The following CPNE8 variants were observed in gnomAD, a reference collection of about 807,000 sequenced individuals.
The protein encoded by CPNE8 is copine 8, also known as copine-8.
A neutral mutation model predicts 81.5 loss-of-function variants in CPNE8; 45 were observed. The observed-to-expected ratio is 0.55, with a 90% CI of 0.44 to 0.71. The LOEUF is 0.71. Ranked by LOEUF, CPNE8 falls within the 30% of genes least tolerant of loss-of-function variation. The pLI is 0.00. For synonymous variants in CPNE8, 252 were observed against 226.3 expected (o/e 1.11, Z -1.02); for missense variants, 594 against 672.1 (o/e 0.88, Z 1.28).
chr12:38,687,033 G>A (rs1318024913), intron 15 of CPNE8, among the ~76,000 whole-genome samples: 1 of 152,190 alleles, frequency 6.6e-6, no homozygotes, highest in Non-Finnish European at 1.5e-5. Flanking sequence ...TTATGCACTA[G>A]TGATACTAAC....
At chr12:38,857,147 T>G (rs1943754239) in intron 3 of CPNE8, among the ~76,000 whole-genome samples, 1 of 152,184 alleles carries the variant, frequency 6.6e-6, no homozygotes. Context: ...CTGATTCATA[T>G]AGCAAAACCC....
chr12:38,700,271 C>T (rs1360341724), intron 14 of CPNE8, among the ~76,000 whole-genome samples: 1 of 127,674 alleles, frequency 7.8e-6, no homozygotes, highest in Non-Finnish European at 1.6e-5. Context: ...TGGAGTCTTG[C>T]TCTGTCACCC....
chr12:38,780,904 AAAAG>A (rs1185006126), intron 6 of CPNE8, among the ~76,000 whole-genome samples: 3 of 151,992 alleles, frequency 2.0e-5, no homozygotes, highest in Non-Finnish European at 2.9e-5. Context: ...CTAAGATGAA[AAAAG>A]AAAGAAGGAG....
chr12:38,749,565 G>A (rs576533326), intron 10 of CPNE8, among the ~76,000 whole-genome samples: 5 of 152,186 alleles, frequency 3.3e-5, no homozygotes, highest in Non-Finnish European at 7.4e-5. Context: ...GATATGGACA[G>A]TAAGGTCCAG....
At chr12:38,865,279 T>G (rs1418502034) in intron 3 of CPNE8, among the ~76,000 whole-genome samples, 1 of 152,218 alleles carries the variant, frequency 6.6e-6, no homozygotes, top group Non-Finnish European at 1.5e-5. Flanking sequence ...GCTCAGATAT[T>G]TCACTCCTAC....
intron 15 of CPNE8, among the ~76,000 whole-genome samples, chr12:38,690,637 C>T (rs1171810459): frequency 6.6e-6 from 1 of 151,460 alleles, no homozygotes; most frequent in Non-Finnish European, 1.5e-5. Flanking sequence ...GCTTTGGTTA[C>T]AAGGGGTAAA....
chr12:38,892,633 G>A (rs886099480), intron 1 of CPNE8, among the ~76,000 whole-genome samples: 1 of 152,144 alleles, frequency 6.6e-6, no homozygotes, highest in African/African-American at 2.4e-5. Context: ...CACAGTGTTG[G>A]CTTATTTCAT....
intron 6 of CPNE8, among the ~76,000 whole-genome samples, chr12:38,818,389 G>A (rs553986037): frequency 1.8e-4 from 28 of 152,180 alleles, no homozygotes; most frequent in Admixed American, 9.8e-4. Context: ...TGTAGTGTTC[G>A]GTTTTCTGTT....
At chr12:38,667,750 C>T (rs1428540393) in intron 19 of CPNE8, among the ~76,000 whole-genome samples, 1 of 152,042 alleles carries the variant, frequency 6.6e-6, no homozygotes, top group African/African-American at 2.4e-5. Flanking sequence ...TTTGGAATCC[C>T]AATGTTACTT....
chr12:38,717,427 G>GCATATATATATATA (rs1940424595), intron 13 of CPNE8, among the ~76,000 whole-genome samples: 1 of 69,728 alleles, frequency 1.4e-5, no homozygotes, highest in East Asian at 7.4e-4. Context: ...AGAAAGTGTG[G>GCATATATATATATA]TGTATATATA....
intron 6 of CPNE8, among the ~76,000 whole-genome samples, chr12:38,818,985 A>G (rs1350828507): frequency 6.6e-6 from 1 of 151,790 alleles, no homozygotes; most frequent in Non-Finnish European, 1.5e-5. Context: ...GGGTTGTTTG[A>G]TTTTTTCTTG....
intron 6 of CPNE8, among the ~76,000 whole-genome samples, chr12:38,825,864 A>G (rs1943181421): frequency 6.6e-6 from 1 of 152,166 alleles, no homozygotes; most frequent in Non-Finnish European, 1.5e-5. Context: ...TAAAGCCAAA[A>G]TATCTTTCCA....
chr12:38,838,506 A>T (rs376718672), intron 5 of CPNE8, among the ~76,000 whole-genome samples: 2 of 152,202 alleles, frequency 1.3e-5, no homozygotes, highest in Non-Finnish European at 2.9e-5. Flanking sequence ...TTACAACTCA[A>T]TAACTTTGAC....
At position 38,817,614 on chromosome 12, in the gene CPNE8, C is replaced by CTTTTTTTTTTTTT. The variant is rs869168296; in HGVS notation, c.407+11752_407+11764dup. Among the ~76,000 whole-genome samples, 12 of 90,610 alleles carry CTTTTTTTTTTTTT rather than the reference C, an allele frequency of 1.3e-4. 1 individual carries two copies. Among genetic ancestry groups the CTTTTTTTTTTTTT allele is most frequent in the East Asian group, 3.3e-4 (1 of 3,012 alleles). The allele number at this position is 90,610 out of a possible 152,430, so 59.4% of individuals were successfully genotyped here. On this transcript the variant is annotated intron_variant, in intron 6 of 19. Coordinates refer to ENST00000331366, the MANE Select transcript of CPNE8 (RefSeq NM_153634.3). ...GTTTAAAGTTACACATTAATTTATT[C>CTTTTTTTTTTTTT]TTTTTTTTTTTTTTTTTTTTTTTGT...
intron 10 of CPNE8, among the ~76,000 whole-genome samples, chr12:38,741,999 G>A (rs1941118344): frequency 1.3e-5 from 2 of 152,124 alleles, no homozygotes; most frequent in Non-Finnish European, 2.9e-5. Flanking sequence ...AGTTAGAATG[G>A]CGATCATTAA....
chr12:38,807,421 A>T (rs1942835040), intron 6 of CPNE8, among the ~76,000 whole-genome samples: 1 of 151,848 alleles, frequency 6.6e-6, no homozygotes, highest in African/African-American at 2.4e-5. Flanking sequence ...TCAATGGAAC[A>T]GAACAGAGCC....
At chr12:38,828,397 C>T (rs1425755749) in intron 6 of CPNE8, among the ~76,000 whole-genome samples, 8 of 152,168 alleles carry the variant, frequency 5.3e-5, no homozygotes, top group South Asian at 4.1e-4. Context: ...AACTGACATT[C>T]GGTAATAATT....
chr12:38,720,713 A>C (rs1304275100), intron 13 of CPNE8: 1 of 152,232 alleles, frequency 6.6e-6, no homozygotes, highest in African/African-American at 2.4e-5. Flanking sequence ...CGCTGCCATC[A>C]CGCTGGCTGC....
Position 38,696,227 on chromosome 12 carries a change from C to T in CPNE8, c.962-2389G>A, listed in dbSNP as rs192515990. On this transcript the variant is annotated intron_variant, in intron 14 of 19. Coordinates refer to ENST00000331366, the MANE Select transcript of CPNE8 (RefSeq NM_153634.3). ...CTGCTAATGATACTTTCCCTCCCAC[C>T]TCTACCTCTCAAGTTGCCACCCTGT... Among the ~76,000 whole-genome samples the T allele has an allele frequency of 4.2e-3, 640 of 152,222 alleles. 6 individuals are homozygous for T. The highest frequency in any genetic ancestry group is 0.014 in the African/African-American group (586 of 41,532).
Sources: allele counts gnomAD v4.1 joint callset (sites outside exome capture counted in the v4.1 genomes callset), GRCh38; gene constraint gnomAD v4.1.1; transcripts MANE v1.5; gene names NCBI Gene and HGNC (gene_info 2026-07-23, HGNC 2026-07-21).